Variants in NHS observed in about 807,000 individuals in gnomAD.
NHS encodes actin remodeling regulator NHS.
NHS carries 5 observed loss-of-function variants against 72.5 expected under a neutral mutation model. The ratio of observed to expected loss-of-function variants is 0.07; its 90% CI spans 0.04 to 0.14. The LOEUF is 0.14. Ranked by LOEUF, NHS falls within the 10% of genes least tolerant of loss-of-function variation. The pLI is 1.00. For synonymous variants in NHS, 464 were observed against 547.7 expected, an observed-to-expected ratio of 0.85 and a Z score of 2.13; for missense variants, 1,072 against 1,355.7, an observed-to-expected ratio of 0.79 and a Z score of 3.29.
At chrX:17,493,835 G>T (rs1485818008) in intron 1 of NHS, among the ~76,000 whole-genome samples, 1 of 111,066 alleles carries the variant, frequency 9.0e-6, no homozygotes, top group East Asian at 2.8e-4. Context: ...ACCTGCAAGG[G>T]AGAGAATGAC....
At chrX:17,475,626 G>A (rs1389836498) in intron 1 of NHS, among the ~76,000 whole-genome samples, 1 of 112,033 alleles carries the variant, frequency 8.9e-6, no homozygotes, top group Non-Finnish European at 1.9e-5. Context: ...ATGCCCAACA[G>A]CCTGTGATCA....
At chrX:17,446,361 T>C (rs2064779740) in intron 1 of NHS, among the ~76,000 whole-genome samples, 1 of 111,074 alleles carries the variant, frequency 9.0e-6, no homozygotes, top group Non-Finnish European at 1.9e-5. Context: ...CACGTATACA[T>C]CCAGATGGCC....
intron 1 of NHS, among the ~76,000 whole-genome samples, chrX:17,608,255 A>G (rs1313904058): frequency 1.8e-5 from 2 of 111,156 alleles, no homozygotes; most frequent in Non-Finnish European, 1.9e-5. Context: ...TTGCACTGGG[A>G]AAAGTTTAAG....
intron 1 of NHS, among the ~76,000 whole-genome samples, chrX:17,443,797 A>T (rs2064767043): frequency 8.9e-6 from 1 of 112,201 alleles, no homozygotes; most frequent in Admixed American, 9.4e-5. Flanking sequence ...AAATCTTAAT[A>T]TAAATTGGAT....
chrX:17,639,112 C>T (rs902158182), intron 1 of NHS, among the ~76,000 whole-genome samples: 1 of 111,932 alleles, frequency 8.9e-6, no homozygotes, highest in African/African-American at 3.2e-5. Context: ...ACTGAGCTTC[C>T]CTACCCCAGA....
intron 1 of NHS, among the ~76,000 whole-genome samples, chrX:17,513,726 A>G (rs1601741915): frequency 1.8e-5 from 2 of 111,942 alleles, no homozygotes; most frequent in African/African-American, 6.5e-5. Context: ...ACATTTGACA[A>G]TGTCTGGAAA....
chrX:17,582,825 G>A (rs1045272683), intron 1 of NHS, among the ~76,000 whole-genome samples: 1 of 112,514 alleles, frequency 8.9e-6, no homozygotes, highest in Non-Finnish European at 1.9e-5. Context: ...TTGTATAAGT[G>A]TGTGCTCACA....
Position 17,727,227 on chromosome X carries a change from T to C in NHS, c.3121T>C (p.Phe1041Leu), listed in dbSNP as rs1347539166. The change falls in exon 7 of 9, where the codon TTT (phenylalanine) becomes CTT (leucine). Residue 1041 changes from phenylalanine to leucine, a missense_variant. Phe to Leu is a conservative substitution (Grantham distance 22). Transcript: ENST00000676302. ...AACATCCTCTTTCCCTACAGCTTTC[T>C]TTTCAGGTCCATTGTCTCCCGGAGG... Reference protein sequence around the residue: ...TPTSSFPTAFFSGPLSPGGSK... With the variant: ...TPTSSFPTAFLSGPLSPGGSK... 1 of 1,210,438 alleles carries C rather than the reference T, an allele frequency of 8.3e-7. No homozygotes were observed. Among genetic ancestry groups the C allele is most frequent in the Non-Finnish European group, 1.1e-6 (1 of 895,303 alleles).
At chrX:17,549,181 G>A (rs1286443955) in intron 1 of NHS, among the ~76,000 whole-genome samples, 1 of 69,449 alleles carries the variant, frequency 1.4e-5, no homozygotes, top group African/African-American at 5.6e-5. Context: ...CTGCACATTA[G>A]CATCAGAAAA....
intron 1 of NHS, among the ~76,000 whole-genome samples, chrX:17,605,334 T>C (rs1021601019): frequency 1.8e-5 from 2 of 111,902 alleles, no homozygotes; most frequent in Non-Finnish European, 3.8e-5. Flanking sequence ...ATGTATCTTA[T>C]TGGAACAAAA....
intron 1 of NHS, among the ~76,000 whole-genome samples, chrX:17,672,925 G>A (rs2066056438): frequency 9.0e-6 from 1 of 111,283 alleles, no homozygotes; most frequent in Non-Finnish European, 1.9e-5. Flanking sequence ...ATCAATGAAT[G>A]AATGAACCAA....
rs914017381 is a variant in NHS at position 17,531,980 on chromosome X, T to TGTAA, written c.565+155661_565+155664dup. Among the ~76,000 whole-genome samples the TGTAA allele has an allele frequency of 5.4e-5, 6 of 111,306 alleles. 1 individual carries two copies. The highest frequency in any genetic ancestry group is 1.1e-4 in the Non-Finnish European group (6 of 53,071). On this transcript the variant is annotated intron_variant, in intron 1 of 8. Coordinates refer to ENST00000676302, the MANE Select transcript of NHS (RefSeq NM_001291867.2). Reference sequence around the variant, plus strand: ...TTAATGCGTGTCTCTCCTGCTAGACTGTAAGTTTCATGGAGTGAGGACCCA... The same window carrying TGTAA: ...TTAATGCGTGTCTCTCCTGCTAGACTGTAAGTAAGTTTCATGGAGTGAGGACCCA...
At chrX:17,380,021 A>T (rs908781855) in intron 1 of NHS, among the ~76,000 whole-genome samples, 23 of 111,824 alleles carry the variant, frequency 2.1e-4, no homozygotes, top group Non-Finnish European at 3.8e-4. Flanking sequence ...GGAGCTAGAC[A>T]CAGTGAAGCT....
At chrX:17,570,243 C>T (rs1434894000) in intron 1 of NHS, among the ~76,000 whole-genome samples, 1 of 112,010 alleles carries the variant, frequency 8.9e-6, no homozygotes. Context: ...AAAATTGAAT[C>T]TATAAATTAC....
chrX:17,519,745 G>A (rs2065138503), intron 1 of NHS, among the ~76,000 whole-genome samples: 1 of 111,273 alleles, frequency 9.0e-6, no homozygotes, highest in African/African-American at 3.3e-5. Flanking sequence ...TTGTGGTTTA[G>A]GATAACCCAC....
intron 1 of NHS, among the ~76,000 whole-genome samples, chrX:17,379,920 T>C (rs60109685): frequency 8.5e-4 from 95 of 112,131 alleles, no homozygotes; most frequent in African/African-American, 2.9e-3. Flanking sequence ...AGATACCTGA[T>C]GTGTCTTACA....
At chrX:17,481,541 CTTGTT>C (rs1402760815) in intron 1 of NHS, among the ~76,000 whole-genome samples, 1 of 111,311 alleles carries the variant, frequency 9.0e-6, no homozygotes, top group Admixed American at 9.6e-5. Flanking sequence ...AACTTTCTGT[CTTGTT>C]TTGTCTTGTG....
chrX:17,674,929 A>C (rs749620883), intron 1 of NHS, among the ~76,000 whole-genome samples: 17 of 112,190 alleles, frequency 1.5e-4, no homozygotes, highest in East Asian at 2.8e-4. Flanking sequence ...ATACTGCAAC[A>C]TGTGGAGCAG....
At chrX:17,644,839 G>A (rs948636007) in intron 1 of NHS, among the ~76,000 whole-genome samples, 1 of 110,384 alleles carries the variant, frequency 9.1e-6, no homozygotes. Flanking sequence ...TATTTATCCT[G>A]TGGCTTCCTG....
Sources: gnomAD v4.1 joint callset for allele counts (sites outside exome capture counted in the v4.1 genomes callset) on GRCh38, gnomAD v4.1.1 for gene constraint, MANE v1.5 for transcripts, NCBI Gene and HGNC (gene_info 2026-07-23, HGNC 2026-07-21) for gene names.